Variants in PRMT8 observed in about 807,000 individuals in gnomAD.
PRMT8 encodes protein arginine methyltransferase 8, also known as protein arginine N-methyltransferase 8.
A neutral mutation model predicts 47.1 loss-of-function variants in PRMT8; 7 were observed. The ratio of observed to expected loss-of-function variants is 0.15; its 90% confidence interval spans 0.08 to 0.28. The LOEUF (loss-of-function observed/expected upper bound fraction) is 0.28, where lower values mean the gene tolerates loss of function less well. Ranked by LOEUF, PRMT8 falls within the 10% of genes least tolerant of loss-of-function variation. PRMT8 has a pLI of 1.00. For synonymous variants in PRMT8, 188 were observed against 186.5 expected, an observed-to-expected ratio of 1.01 and a Z score of -0.07; for missense variants, 237 against 505.4, an observed-to-expected ratio of 0.47 and a Z score of 5.09.
chr12:3,565,915 A>G (rs1866711691), intron 4 of PRMT8, among the ~76,000 whole-genome samples: 1 of 152,090 alleles, frequency 6.6e-6, no homozygotes, highest in African/African-American at 2.4e-5. Context: ...AAAAATTGTC[A>G]TGGGTGGAGC....
intron 1 of PRMT8, among the ~76,000 whole-genome samples, chr12:3,466,762 C>T (rs1223857844): frequency 6.6e-6 from 1 of 152,104 alleles, no homozygotes; most frequent in African/African-American, 2.4e-5. Flanking sequence ...GGTATAGAAA[C>T]AAAGGAAAAA....
At chr12:3,425,785 G>A (rs577393827) in intron 1 of PRMT8, among the ~76,000 whole-genome samples, 1 of 152,344 alleles carries the variant, frequency 6.6e-6, no homozygotes, top group South Asian at 2.1e-4. Flanking sequence ...AAATGCCAGG[G>A]TGAAAGGGAT....
At chr12:3,562,340 G>C (rs191168494) in intron 4 of PRMT8, among the ~76,000 whole-genome samples, 1 of 151,934 alleles carries the variant, frequency 6.6e-6, no homozygotes, top group South Asian at 2.1e-4. Flanking sequence ...TCATCCTTTC[G>C]AGTATTATTG....
At chr12:3,471,780 C>T (rs1425671634) in intron 1 of PRMT8, among the ~76,000 whole-genome samples, 2 of 152,028 alleles carry the variant, frequency 1.3e-5, no homozygotes, top group African/African-American at 2.4e-5. Flanking sequence ...CCATGCTGGG[C>T]CACCAAGACA....
rs398044252 is a variant in PRMT8 at position 3,434,968 on chromosome 12, C to CTTTTTT, written c.48+53539_48+53544dup. 4.5e-4 allele frequency among the ~76,000 whole-genome samples: 59 copies of CTTTTTT among 130,714 alleles called. 1 individual carries two copies. Among genetic ancestry groups the CTTTTTT allele is most frequent in the African/African-American group, 1.6e-3 (54 of 34,678 alleles). 85.8% of individuals were successfully genotyped at this position (130,714 alleles called of 152,430 possible). On this transcript the variant is annotated intron_variant, in intron 1 of 9. Transcript: ENST00000452611. ...CCAGTGAAGTTTGCTTTGCTTTGCT[C>CTTTTTT]TTTTTTTTTTTTTTTTTTCAGAAGG...
rs35698030 is a variant in PRMT8, at chr12:3,532,611, C to CAAAAAAAAAAA, written c.76-7975_76-7965dup. ...TGGGCGACAGAGTAAGACTCCGTCT[C>CAAAAAAAAAAA]AAAAAAAAAAAAAAAAAAAAAAAAA... On this transcript the variant is annotated intron_variant, in intron 1 of 9. Transcript: ENST00000382622. Among the ~76,000 whole-genome samples, 11 of 24,656 alleles carry CAAAAAAAAAAA rather than the reference C, an allele frequency of 4.5e-4. 1 individual carries two copies. Among genetic ancestry groups the CAAAAAAAAAAA allele is most frequent in the African/African-American group, 6.7e-4 (4 of 5,948 alleles). 16.2% of individuals were successfully genotyped at this position (24,656 alleles called of 152,430 possible). A position where few individuals can be genotyped will look rare whatever the true frequency, so the allele number is the denominator to read the frequency against.
intron 4 of PRMT8, among the ~76,000 whole-genome samples, chr12:3,560,943 T>G (rs1417868310): frequency 6.6e-6 from 1 of 152,198 alleles, no homozygotes; most frequent in Non-Finnish European, 1.5e-5. Flanking sequence ...TCACATACAG[T>G]AGGTGCTCAA....
At chr12:3,487,194 C>T (rs928810196), upstream of PRMT8, among the ~76,000 whole-genome samples, 4 of 152,106 alleles carry the variant, frequency 2.6e-5, no homozygotes, top group African/African-American at 4.8e-5. Context: ...CTCGAGGAGT[C>T]GTGGATTCAC....
chr12:3,553,791 C>A, intron 4 of PRMT8, 77 bp downstream of exon 4: 2 of 1,350,302 alleles, frequency 1.5e-6, no homozygotes, highest in Non-Finnish European at 2.1e-6. Context: ...GATGGCATAG[C>A]GGGAGGAGCG....
At chr12:3,412,612 A>G (rs1288636942) in intron 1 of PRMT8, among the ~76,000 whole-genome samples, 2 of 152,128 alleles carry the variant, frequency 1.3e-5, no homozygotes, top group African/African-American at 2.4e-5. Flanking sequence ...CTATTTAAAA[A>G]TTCTCTCTCT....
intron 8 of PRMT8, among the ~76,000 whole-genome samples, chr12:3,584,977 G>GGCTTCTTTTTTT (rs1251569632): frequency 6.6e-6 from 1 of 152,094 alleles, no homozygotes; most frequent in African/African-American, 2.4e-5. Flanking sequence ...GCCTCACAGA[G>GGCTTCTTTTTTT]ATACCTAGCT....
chr12:3,397,710 A>T (rs1303340129), intron 1 of PRMT8, among the ~76,000 whole-genome samples: 1 of 152,084 alleles, frequency 6.6e-6, no homozygotes, highest in Non-Finnish European at 1.5e-5. Context: ...AGAGGCAGGC[A>T]GGCCTCCTTG....
At chr12:3,422,809 G>T (rs559568500) in intron 1 of PRMT8, among the ~76,000 whole-genome samples, 3 of 152,276 alleles carry the variant, frequency 2.0e-5, no homozygotes, top group African/African-American at 7.2e-5. Context: ...CAGAAATTTG[G>T]CATAAGACAG....
chr12:3,481,729 G>T (rs569065426), intron 1 of PRMT8, among the ~76,000 whole-genome samples: 3 of 152,262 alleles, frequency 2.0e-5, no homozygotes, highest in East Asian at 3.9e-4. Context: ...TTGGTGGCGG[G>T]GAGCTTTGTC....
chr12:3,480,922 T>C (rs746949980), intron 1 of PRMT8, among the ~76,000 whole-genome samples: 1 of 152,154 alleles, frequency 6.6e-6, no homozygotes, highest in African/African-American at 2.4e-5. Context: ...TAAGTGTTGA[T>C]AGCTAATAAA....
chr12:3,589,287 C>A (rs1867249114), intron 8 of PRMT8, among the ~76,000 whole-genome samples: 1 of 152,178 alleles, frequency 6.6e-6, no homozygotes. Context: ...CACCCTTAGT[C>A]TATGATCCTT....
intron 1 of PRMT8, among the ~76,000 whole-genome samples, chr12:3,387,794 A>T (rs1036905227): frequency 3.3e-5 from 5 of 152,162 alleles, no homozygotes; most frequent in Admixed American, 1.3e-4. Flanking sequence ...ACTTAGTTTC[A>T]CATTTTTGTT....
intron 1 of PRMT8, among the ~76,000 whole-genome samples, chr12:3,474,043 C>A (rs1176549921): frequency 6.6e-6 from 1 of 152,224 alleles, no homozygotes; most frequent in African/African-American, 2.4e-5. Flanking sequence ...TGGATTCCCC[C>A]AGTCCATTCA....
chr12:3,421,881 G>A (rs1177871803), intron 1 of PRMT8, among the ~76,000 whole-genome samples: 1 of 152,240 alleles, frequency 6.6e-6, no homozygotes, highest in Non-Finnish European at 1.5e-5. Flanking sequence ...TAGTTTGCAA[G>A]GTCTCTCTCT....
Sources: allele counts gnomAD v4.1 joint callset (sites outside exome capture counted in the v4.1 genomes callset), GRCh38; gene constraint gnomAD v4.1.1; transcripts MANE v1.5; gene names NCBI Gene and HGNC (gene_info 2026-07-23, HGNC 2026-07-21).